The following KCNQ1OT1 variants were observed in gnomAD, a reference collection of about 807,000 sequenced individuals.
KCNQ1OT1 encodes the protein KCNQ1 antisense RNA 2 (non-protein coding).
exon 1 of KCNQ1OT1, chr11:2,662,550 G>A (rs1849980999): frequency 4.7e-6 from 2 of 426,630 alleles, no homozygotes; most frequent in Middle Eastern, 6.0e-4. Context: ...CTTCCAGTTG[G>A]CCTTCCCCTG....
At position 2,659,532 on chromosome 11, in the gene KCNQ1OT1, G is replaced by A. The variant is rs917397079; in HGVS notation, n.40463C>T. 6 of 398,388 alleles carry A rather than the reference G, an allele frequency of 1.5e-5. No homozygotes were observed. The highest frequency in any genetic ancestry group is 2.2e-5 in the Non-Finnish European group (5 of 226,030). 24.7% of individuals were successfully genotyped at this position (398,388 alleles called of 1,614,324 possible). A position where few individuals can be genotyped will look rare whatever the true frequency, so the allele number is the denominator to read the frequency against. ...TTGAAGGACATCTTCATTGTTTCCA[G>A]TATTTGGTAATTATGAGCAGAGTTA... On this transcript the variant is annotated non_coding_transcript_exon_variant, in exon 1 of 1. Coordinates refer to ENST00000597346, the Ensembl canonical transcript of KCNQ1OT1. This position sits in a 1 kb window ranked among gnomAD's most constrained non-coding sequence, Gnocchi z 4.3.
In KCNQ1OT1 at chr11:2,682,475, C is replaced by CAAGT. The variant is rs112547618; in HGVS notation, n.17519_17520insACTT. 1 of 389,392 alleles carries CAAGT rather than the reference C, an allele frequency of 2.6e-6. No homozygotes were observed. The highest frequency in any genetic ancestry group is 2.1e-5 in the African/African-American group (1 of 47,568). The allele number at this position is 389,392 out of a possible 1,614,324, so 24.1% of individuals were successfully genotyped here. A position where few individuals can be genotyped will look rare whatever the true frequency, so the allele number is the denominator to read the frequency against. ...TCACGGACCCTCAGTGAATGTTTGA[C>CAAGT]GAGTGAGTGAGTGAGTGAGTGAGTG... On this transcript the variant is annotated non_coding_transcript_exon_variant, in exon 1 of 1. Transcript: ENST00000597346. The surrounding 1 kb of genome is among the most constrained non-coding windows in gnomAD (Gnocchi z 5.8).
At chr11:2,697,113 T>C (rs1464068224) in exon 1 of KCNQ1OT1, 5 of 398,506 alleles carry the variant, frequency 1.3e-5, no homozygotes, top group African/African-American at 4.1e-5. Context: ...CTCACAAAGA[T>C]AAAGAGTTTT....
In KCNQ1OT1 at chr11:2,647,997, T is replaced by G; in HGVS notation, n.51998A>C. 2.5e-6 allele frequency: 1 copy of G among 397,232 alleles called. No individual in the cohort carries two copies. The highest frequency in any genetic ancestry group is 3.6e-5 in the East Asian group (1 of 28,040). The allele number at this position is 397,232 out of a possible 1,614,324, so 24.6% of individuals were successfully genotyped here. On this transcript the variant is annotated non_coding_transcript_exon_variant, in exon 1 of 1. Coordinates refer to ENST00000597346, the Ensembl canonical transcript of KCNQ1OT1. The surrounding 1 kb of genome is among the most constrained non-coding windows in gnomAD (Gnocchi z 4.0). ...GGAAGGCCAAGGCAGGCCGATCGCTTGAGTCCAGGAGTTTGAGACCAGCCT... is the reference window on the plus strand; with the variant it reads ...GGAAGGCCAAGGCAGGCCGATCGCTGGAGTCCAGGAGTTTGAGACCAGCCT...
At chr11:2,643,850 A>G (rs1179535540) in exon 1 of KCNQ1OT1, 3 of 398,480 alleles carry the variant, frequency 7.5e-6, no homozygotes, top group African/African-American at 4.1e-5. Context: ...TCTGACGAAT[A>G]TAACTTTGCT....
exon 1 of KCNQ1OT1, chr11:2,614,246 G>A (rs2133794615): frequency 2.5e-6 from 1 of 398,484 alleles, no homozygotes; most frequent in Non-Finnish European, 4.4e-6. Flanking sequence ...CTGCTGCTCT[G>A]GACTACCTAT....
rs942925639 is a variant in KCNQ1OT1, at chr11:2,651,332, C to T, written n.48663G>A. The T allele has an allele frequency of 2.5e-6, 1 of 398,764 alleles. No homozygotes were observed. Among genetic ancestry groups the T allele is most frequent in the African/African-American group, 2.1e-5 (1 of 48,778 alleles). The allele number at this position is 398,764 out of a possible 1,614,324, so 24.7% of individuals were successfully genotyped here. ...GCACAGAACACTCCTCAGAGTTCTA[C>T]AAGCGGCTGAGAGAGCTGGGGTATT... On this transcript the variant is annotated non_coding_transcript_exon_variant, in exon 1 of 1. Transcript: ENST00000597346. This position sits in a 1 kb window ranked among gnomAD's most constrained non-coding sequence, Gnocchi z 6.1.
At chr11:2,693,326 C>A (rs1850619467) in exon 1 of KCNQ1OT1, 1 of 398,628 alleles carries the variant, frequency 2.5e-6, no homozygotes, top group Admixed American at 4.4e-5. Flanking sequence ...GCCCTCTCTC[C>A]CTGCCCTGAA....
Position 2,663,726 on chromosome 11 carries a change from C to CAG in KCNQ1OT1, n.36267_36268dup. ...ACTCTTGGGTCTTGCAAGGCCCCTG[C>CAG]AGGTGAAGGTGGTGAGAGACCAGGC... On this transcript the variant is annotated non_coding_transcript_exon_variant, in exon 1 of 1. Transcript: ENST00000597346. This position sits in a 1 kb window ranked among gnomAD's most constrained non-coding sequence, Gnocchi z 5.2. 1 of 398,714 alleles carries CAG rather than the reference C, an allele frequency of 2.5e-6. No individual in the cohort carries two copies. 24.7% of individuals were successfully genotyped at this position (398,714 alleles called of 1,614,324 possible). A position where few individuals can be genotyped will look rare whatever the true frequency, so the allele number is the denominator to read the frequency against.
rs954238975 is a variant in KCNQ1OT1, at chr11:2,664,918, C to T, written n.35077G>A. 18 of 398,532 alleles carry T rather than the reference C, an allele frequency of 4.5e-5. No individual in the cohort carries two copies. The highest frequency in any genetic ancestry group is 4.1e-5 in the African/African-American group (2 of 48,614). The allele number at this position is 398,532 out of a possible 1,614,324, so 24.7% of individuals were successfully genotyped here. A position where few individuals can be genotyped will look rare whatever the true frequency, so the allele number is the denominator to read the frequency against. On this transcript the variant is annotated non_coding_transcript_exon_variant, in exon 1 of 1. Transcript: ENST00000597346. The surrounding 1 kb of genome is among the most constrained non-coding windows in gnomAD (Gnocchi z 5.1). ...TTTTGTTTCCATCTCGAGCTCTCCC[C>T]GCCCGCAGGGCCCCAGAGAGGTGAG...
chr11:2,639,318 C>A (rs924072167), exon 1 of KCNQ1OT1: 1 of 152,156 alleles, frequency 6.6e-6, no homozygotes, highest in African/African-American at 2.4e-5. Context: ...TGCTTTTCTG[C>A]TGTTTTTTCC....
At position 2,624,403 on chromosome 11, in the gene KCNQ1OT1, A is replaced by G. The variant is rs904017528; in HGVS notation, n.75592T>C. 2.5e-6 allele frequency: 1 copy of G among 398,380 alleles called. No individual in the cohort carries two copies. Among genetic ancestry groups the G allele is most frequent in the Non-Finnish European group, 4.4e-6 (1 of 226,030 alleles). 24.7% of individuals were successfully genotyped at this position (398,380 alleles called of 1,614,324 possible). A position where few individuals can be genotyped will look rare whatever the true frequency, so the allele number is the denominator to read the frequency against. ...CTCTTGACAGTATGTTTTACAGAGC[A>G]GAAACTTTTATTTTTAACAAAGTCT... On this transcript the variant is annotated non_coding_transcript_exon_variant, in exon 1 of 1. Transcript: ENST00000597346. The surrounding 1 kb of genome is among the most constrained non-coding windows in gnomAD (Gnocchi z 4.9).
chr11:2,650,710 G>GT, exon 1 of KCNQ1OT1: 1 of 398,640 alleles, frequency 2.5e-6, no homozygotes, highest in East Asian at 3.6e-5. Flanking sequence ...GCAGTGCTGG[G>GT]CAGGGGACTA....
chr11:2,616,589 C>A (rs1454786249), exon 1 of KCNQ1OT1: 1 of 397,974 alleles, frequency 2.5e-6, no homozygotes, highest in African/African-American at 2.1e-5. Context: ...GTTGTGTCGT[C>A]ATTTTCACTT....
exon 1 of KCNQ1OT1, chr11:2,650,139 G>C (rs1262763781): frequency 2.5e-6 from 1 of 397,988 alleles, no homozygotes; most frequent in Non-Finnish European, 4.4e-6. Context: ...TTTTTGTTTG[G>C]TTCTTTTTCA....
exon 1 of KCNQ1OT1, chr11:2,629,697 A>G (rs1008872554): frequency 2.5e-6 from 1 of 398,450 alleles, no homozygotes; most frequent in Non-Finnish European, 4.4e-6. Context: ...TTTAAATGAA[A>G]TTGTTTTCTT....
At position 2,626,984 on chromosome 11, in the gene KCNQ1OT1, T is replaced by C. The variant is rs1181650568; in HGVS notation, n.73011A>G. ...AACATCATTAGGATTTTTATTGGGA[T>C]TACCTTGGATTTGTAGATTGTTTTG... On this transcript the variant is annotated non_coding_transcript_exon_variant, in exon 1 of 1. Coordinates refer to ENST00000597346, the Ensembl canonical transcript of KCNQ1OT1. This position sits in a 1 kb window ranked among gnomAD's most constrained non-coding sequence, Gnocchi z 4.0. The C allele has an allele frequency of 2.5e-6, 1 of 398,490 alleles. No homozygotes were observed. The highest frequency in any genetic ancestry group is 4.4e-6 in the Non-Finnish European group (1 of 226,062). 24.7% of individuals were successfully genotyped at this position (398,490 alleles called of 1,614,324 possible).
At position 2,685,224 on chromosome 11, in the gene KCNQ1OT1, C is replaced by G. The variant is rs1484958493; in HGVS notation, n.14771G>C. 7 of 398,560 alleles carry G rather than the reference C, an allele frequency of 1.8e-5. No homozygotes were observed. In the East Asian group the frequency reaches 2.5e-4, roughly 14 times the overall value. The allele number at this position is 398,560 out of a possible 1,614,324, so 24.7% of individuals were successfully genotyped here. Reference sequence around the variant, plus strand: ...GGCTGGCACAGCTCACACACGGAGGCACTACTTCAGTCCTCCCATTACCAA... The same window carrying G: ...GGCTGGCACAGCTCACACACGGAGGGACTACTTCAGTCCTCCCATTACCAA... On this transcript the variant is annotated non_coding_transcript_exon_variant, in exon 1 of 1. Transcript: ENST00000597346.
At chr11:2,641,897 C>G (rs1849584998) in exon 1 of KCNQ1OT1, 1 of 398,392 alleles carries the variant, frequency 2.5e-6, no homozygotes, top group South Asian at 1.3e-4. Flanking sequence ...GTGCTCTTTT[C>G]CCAGTGTATG....
Sources: allele counts gnomAD v4.1 joint callset, GRCh38; gene constraint gnomAD v4.1.1; non-coding constraint Gnocchi (gnomAD v3.1); transcripts MANE v1.5; gene names NCBI Gene and HGNC (gene_info 2026-07-23, HGNC 2026-07-21).